The following ITGA8 variants were observed in gnomAD, a reference collection of about 807,000 sequenced individuals.
The protein encoded by ITGA8 is integrin subunit alpha 8.
A neutral mutation model predicts 142.3 loss-of-function variants in ITGA8; 91 were observed. That is an observed-to-expected ratio of 0.64 (90% CI 0.54 to 0.76). ITGA8 has a LOEUF of 0.76. ITGA8 is among the 30% of genes least tolerant of loss of function. The probability of loss-of-function intolerance (pLI) is 0.00; values close to 1 mark genes in which losing one functional copy is unlikely to be tolerated. For missense variants in ITGA8, 1,406 were observed against 1,327.7 expected, an observed-to-expected ratio of 1.06 and a Z score of -0.92; for synonymous variants, 505 against 485.2, an observed-to-expected ratio of 1.04 and a Z score of -0.54.
intron 9 of ITGA8, among the ~76,000 whole-genome samples, chr10:15,659,799 A>T (rs1029633764): frequency 1.3e-5 from 2 of 152,196 alleles, no homozygotes; most frequent in Non-Finnish European, 2.9e-5. Context: ...CCACATGAGG[A>T]TGGAGGCAGA....
At position 15,519,346 on chromosome 10, in the gene ITGA8, G is replaced by A. The variant is rs1833014620; in HGVS notation, c.3049C>T (p.Leu1017=). 1 of 1,613,384 alleles carries A rather than the reference G, an allele frequency of 6.2e-7. No individual in the cohort carries two copies. Among genetic ancestry groups the A allele is most frequent in the Non-Finnish European group, 8.5e-7 (1 of 1,179,570 alleles). Residue 1017 remains leucine, a synonymous_variant, in exon 29 of 30, where the codon CTA becomes TTA. Transcript: ENST00000378076. ...SFSIPLWVII[L]AILLGLLVLA... The stretch of plus-strand genomic sequence containing the variant: ...ACCAACAATCCAAGAAGTATTGCTA[G>A]TATTATTACCCATAATGGGATTGAG...
chr10:15,646,501 T>C (rs1450953104), intron 12 of ITGA8, among the ~76,000 whole-genome samples: 1 of 152,186 alleles, frequency 6.6e-6, no homozygotes, highest in Non-Finnish European at 1.5e-5. Context: ...ATGAGGTTTT[T>C]CTGATGTTTC....
intron 25 of ITGA8, among the ~76,000 whole-genome samples, chr10:15,568,518 T>C (rs1232754633): frequency 6.6e-6 from 1 of 152,160 alleles, no homozygotes; most frequent in East Asian, 1.9e-4. Flanking sequence ...ACCTGAACCT[T>C]GTTTGGGTCT....
Position 15,719,880 on chromosome 10 carries a change from G to T in ITGA8, c.-109C>A. On this transcript the variant is annotated 5_prime_UTR_variant, in exon 1 of 30. Transcript: ENST00000378076. The stretch of plus-strand genomic sequence containing the variant: ...CGGTCCCCAGCTGCCCGTGTCCCGG[G>T]TCGGTGCGCTCGGCGCACCCGTGGT... 2.3e-6 allele frequency: 2 copies of T among 858,578 alleles called. No homozygotes were observed. Among genetic ancestry groups the T allele is most frequent in the Non-Finnish European group, 3.1e-6 (2 of 638,044 alleles). 53.2% of individuals were successfully genotyped at this position (858,578 alleles called of 1,614,324 possible). A position where few individuals can be genotyped will look rare whatever the true frequency, so the allele number is the denominator to read the frequency against.
chr10:15,718,678 CACACCAAG>C, intron 2 of ITGA8, 80 bp downstream of exon 2: 1 of 1,520,704 alleles, frequency 6.6e-7, no homozygotes, highest in South Asian at 1.2e-5. Context: ...AAACGAGCAG[CACACCAAG>C]ACAGCGGGAA....
chr10:15,698,427 A>T (rs1261714549), intron 2 of ITGA8, among the ~76,000 whole-genome samples: 1 of 152,216 alleles, frequency 6.6e-6, no homozygotes, highest in South Asian at 2.1e-4. Context: ...GTAGATACCT[A>T]GTACTGGGAT....
chr10:15,621,665 G>A (rs78861645), intron 13 of ITGA8, among the ~76,000 whole-genome samples: 2 of 152,094 alleles, frequency 1.3e-5, no homozygotes, highest in Admixed American at 1.3e-4. Context: ...CCTAGGGAAC[G>A]GTCAGGCCAA....
At chr10:15,565,286 G>A (rs1429855550) in intron 25 of ITGA8, among the ~76,000 whole-genome samples, 2 of 152,184 alleles carry the variant, frequency 1.3e-5, no homozygotes, top group African/African-American at 4.8e-5. Flanking sequence ...GTCACAATTG[G>A]AGAGGAAGTA....
intron 17 of ITGA8, among the ~76,000 whole-genome samples, chr10:15,607,247 T>A (rs1024717213): frequency 2.6e-5 from 4 of 152,242 alleles, no homozygotes; most frequent in Non-Finnish European, 4.4e-5. Context: ...TTAAATAAGA[T>A]AATTATAAGT....
intron 11 of ITGA8, among the ~76,000 whole-genome samples, chr10:15,652,280 G>A (rs539704329): frequency 6.6e-6 from 1 of 152,232 alleles, no homozygotes; most frequent in Non-Finnish European, 1.5e-5. Flanking sequence ...GCCCTGCAGG[G>A]CATAAGGCGA....
At position 15,531,164 on chromosome 10, in the gene ITGA8, G is replaced by A. The variant is rs745816843; in HGVS notation, c.2881-13C>T. ...GATCATTTTTTCTCTGAAAGTAAAA[G>A]TATTTATTTAAATATATTTCATATA... On this transcript the variant is annotated splice_polypyrimidine_tract_variant and intron_variant, in intron 27 of 29. Transcript: ENST00000378076. 2 of 1,327,772 alleles carry A rather than the reference G, an allele frequency of 1.5e-6. No homozygotes were observed. Among genetic ancestry groups the A allele is most frequent in the East Asian group, 2.5e-5 (1 of 39,296 alleles). The allele number at this position is 1,327,772 out of a possible 1,614,324, so 82.2% of individuals were successfully genotyped here.
intron 8 of ITGA8, among the ~76,000 whole-genome samples, chr10:15,668,586 C>T (rs1248844766): frequency 2.6e-5 from 4 of 151,936 alleles, no homozygotes; most frequent in South Asian, 4.2e-4. Context: ...TTATTTTGCT[C>T]GTTAGTTGAT....
chr10:15,549,819 C>T (rs566077813), intron 26 of ITGA8, among the ~76,000 whole-genome samples: 6 of 152,252 alleles, frequency 3.9e-5, no homozygotes, highest in South Asian at 2.1e-4. Flanking sequence ...TTTTCGAGAA[C>T]ATTTTTCAAG....
intron 25 of ITGA8, among the ~76,000 whole-genome samples, chr10:15,560,963 T>C (rs7896473): frequency 0.4 from 59,755 of 151,274 alleles, 12,430 homozygotes; most frequent in African/African-American, 0.53. Context: ...GGCTGGAGCA[T>C]AATGGGTACA....
intron 26 of ITGA8, among the ~76,000 whole-genome samples, chr10:15,556,326 C>A (rs1833889267): frequency 6.6e-6 from 1 of 152,060 alleles, no homozygotes; most frequent in African/African-American, 2.4e-5. Flanking sequence ...CCATACCCAG[C>A]CAGGTCTCTC....
chr10:15,572,138 C>T, intron 25 of ITGA8, 73 bp downstream of exon 25: 2 of 1,293,616 alleles, frequency 1.5e-6, no homozygotes, highest in South Asian at 1.8e-5. Context: ...CTTTTTTAAA[C>T]AAGCCCAGTT....
chr10:15,691,377 A>C (rs1270227175), intron 2 of ITGA8, among the ~76,000 whole-genome samples: 2 of 152,240 alleles, frequency 1.3e-5, no homozygotes, highest in Non-Finnish European at 2.9e-5. Context: ...GCATATTGAA[A>C]ATATATCTGC....
Position 15,687,942 on chromosome 10 carries a change from A to C in ITGA8, c.440T>G (p.Val147Gly). 6.2e-7 allele frequency: 1 copy of C among 1,604,126 alleles called. No homozygotes were observed. The highest frequency in any genetic ancestry group is 8.5e-7 in the Non-Finnish European group (1 of 1,171,070). The change falls in exon 3 of 30, where the codon GTT (valine) becomes GGT (glycine). Residue 147 changes from valine to glycine, a missense_variant. Val to Gly is a moderately radical substitution (Grantham distance 109, BLOSUM62 -3). Coordinates refer to ENST00000378076, the MANE Select transcript of ITGA8 (RefSeq NM_003638.3). Reference protein sequence around the residue: ...GATVKAHKGKVVACAPLYHWR... With the variant: ...GATVKAHKGKGVACAPLYHWR... The stretch of plus-strand genomic sequence containing the variant: ...AAGCCCACGGCTCATACTCACCACA[A>C]CTTTTCCTTTGTGAGCTTTCACTGT...
chr10:15,528,102 G>GTTGT (rs1395911888), intron 28 of ITGA8, among the ~76,000 whole-genome samples: 1 of 151,612 alleles, frequency 6.6e-6, no homozygotes, highest in Non-Finnish European at 1.5e-5. Context: ...TTTTGTTGTT[G>GTTGT]TTGTTTGTTT....
Sources: allele counts gnomAD v4.1 joint callset (sites outside exome capture counted in the v4.1 genomes callset), GRCh38; gene constraint gnomAD v4.1.1; transcripts MANE v1.5; gene names NCBI Gene and HGNC (gene_info 2026-07-23, HGNC 2026-07-21).